Variants in OTOG observed in about 807,000 individuals in gnomAD.
The protein encoded by OTOG is otogelin.
OTOG carries 296 observed loss-of-function variants against 313.8 expected under a neutral mutation model. The ratio of observed to expected loss-of-function variants is 0.94; its 90% CI spans 0.86 to 1.04. OTOG has a LOEUF of 1.04. Ranked by LOEUF, OTOG falls within the 50% of genes least tolerant of loss-of-function variation. OTOG has a pLI of 0.00. For synonymous variants in OTOG, 1,533 were observed against 1,554.9 expected (o/e 0.99, Z 0.33); for missense variants, 3,948 against 3,840.1 (o/e 1.03, Z -0.74).
At position 17,593,221 on chromosome 11, in the gene OTOG, T is replaced by C; in HGVS notation, c.3035T>C (p.Ile1012Thr). The C allele has an allele frequency of 6.5e-7, 1 of 1,550,208 alleles. No homozygotes were observed. Among genetic ancestry groups the C allele is most frequent in the Non-Finnish European group, 8.7e-7 (1 of 1,146,604 alleles). The change falls in exon 26 of 56, where the codon ATT becomes ACT. Residue 1012 changes from isoleucine to threonine, a missense_variant. Ile to Thr is a moderately conservative substitution (Grantham distance 89, BLOSUM62 -1). Coordinates refer to ENST00000399397, the MANE Select transcript of OTOG (RefSeq NM_001292063.2). ...KSTSDVSFSV[I>T]VENVNCYSSG... ...ACATCAGATGTCAGCTTCTCTGTGA[T>C]TGTAGAGAATGTGAACTGCTACAGC... is the stretch of plus-strand genomic sequence containing the variant.
At chr11:17,593,554 T>C in intron 26 of OTOG, 56 bp from the exon 27 acceptor site, 1 of 1,538,736 alleles carries the variant, frequency 6.5e-7, no homozygotes, top group Non-Finnish European at 8.8e-7. Context: ...CAGGCATAGC[T>C]GACCTGGGCG....
intron 15 of OTOG, among the ~76,000 whole-genome samples, 192 bp from the exon 16 acceptor site, chr11:17,568,964 C>T (rs1852348801): frequency 1.3e-5 from 2 of 152,294 alleles, no homozygotes; most frequent in South Asian, 4.1e-4. Flanking sequence ...CTTCTCCAAC[C>T]TGAGCCTCTG....
intron 19 of OTOG, among the ~76,000 whole-genome samples, chr11:17,574,216 T>A (rs1331574149): frequency 6.6e-6 from 1 of 152,108 alleles, no homozygotes; most frequent in East Asian, 1.9e-4. Flanking sequence ...GAGGGCAGTC[T>A]TGAGTCTTGG....
intron 7 of OTOG, among the ~76,000 whole-genome samples, 188 bp from the exon 8 acceptor site, chr11:17,556,930 A>G (rs920912444): frequency 2.0e-5 from 3 of 152,236 alleles, no homozygotes; most frequent in African/African-American, 7.2e-5. Flanking sequence ...CCGTCTTAAA[A>G]AATTTCTAAA....
intron 20 of OTOG, among the ~76,000 whole-genome samples, chr11:17,575,925 G>T (rs1016861897): frequency 1.3e-5 from 2 of 152,216 alleles, no homozygotes; most frequent in Non-Finnish European, 2.9e-5. Flanking sequence ...AGACCTGCAC[G>T]TGCCTATAAT....
At chr11:17,568,235 G>A (rs1409377172) in intron 15 of OTOG, among the ~76,000 whole-genome samples, 1 of 152,190 alleles carries the variant, frequency 6.6e-6, no homozygotes, top group Non-Finnish European at 1.5e-5. Flanking sequence ...AGATTGCTAT[G>A]AGAGTTAGGC....
At chr11:17,574,176 G>A (rs768136467) in intron 19 of OTOG, among the ~76,000 whole-genome samples, 1 of 152,154 alleles carries the variant, frequency 6.6e-6, no homozygotes, top group Non-Finnish European at 1.5e-5. Flanking sequence ...AGGAGACTCT[G>A]GGGGGAGTGG....
At chr11:17,634,034 C>T in intron 43 of OTOG, 35 bp from the exon 44 acceptor site, 1 of 1,528,796 alleles carries the variant, frequency 6.5e-7, no homozygotes, top group Non-Finnish European at 8.8e-7. Context: ...GCTCACCTTC[C>T]TCAGTCCCTC....
Position 17,560,824 on chromosome 11 carries a change from G to A in OTOG, c.1451+7G>A. Reference sequence around the variant, plus strand: ...AGGAAGACTGCAATACTTGGTCTGTGTCTGCTGCCGGGAAGCAGGGTGTGG... The same window carrying A: ...AGGAAGACTGCAATACTTGGTCTGTATCTGCTGCCGGGAAGCAGGGTGTGG... On this transcript the variant is annotated splice_region_variant and intron_variant, in intron 13 of 55. Transcript: ENST00000399397. 1 of 1,547,566 alleles carries A rather than the reference G, an allele frequency of 6.5e-7. No individual in the cohort carries two copies. Among genetic ancestry groups the A allele is most frequent in the South Asian group, 1.2e-5 (1 of 83,974 alleles).
At position 17,572,069 on chromosome 11, in the gene OTOG, C is replaced by A. The variant is rs1469208747; in HGVS notation, c.1956-11C>A. ...GGCAAGTGTGTGAATATGGCTGTGA[C>A]ATGGCTGCAGGTCTCCAGTGGGTGT... On this transcript the variant is annotated splice_polypyrimidine_tract_variant and intron_variant, in intron 17 of 55. Transcript: ENST00000399397. 1 of 1,550,348 alleles carries A rather than the reference C, an allele frequency of 6.5e-7. No individual in the cohort carries two copies. The highest frequency in any genetic ancestry group is 2.4e-5 in the East Asian group (1 of 40,904).
chr11:17,557,409 C>T, intron 8 of OTOG, 86 bp downstream of exon 8: 1 of 1,329,696 alleles, frequency 7.5e-7, no homozygotes, highest in Non-Finnish European at 1.0e-6. Flanking sequence ...GGACTTGGAA[C>T]AGAGCCCTGG....
chr11:17,604,347 A>G (rs527426912), intron 32 of OTOG, among the ~76,000 whole-genome samples: 10 of 152,230 alleles, frequency 6.6e-5, no homozygotes, highest in Non-Finnish European at 1.5e-4. Flanking sequence ...GCCAAGGCCC[A>G]GGGAGGAGAA....
In OTOG at chr11:17,559,092, G is replaced by C. The variant is rs1208158757; in HGVS notation, c.1144G>C (p.Glu382Gln). 18 of 1,546,694 alleles carry C rather than the reference G, an allele frequency of 1.2e-5. No individual in the cohort carries two copies. Among genetic ancestry groups the C allele is most frequent in the Non-Finnish European group, 1.4e-5 (16 of 1,146,976 alleles). ...DVATWCRALA[E>Q]YARACAQAGR... ...AGCCACCTGGTGCCGGGCACTGGCGGAGTATGCCCGGGCGTGTGCCCAGGC... is the reference window on the plus strand; with the variant it reads ...AGCCACCTGGTGCCGGGCACTGGCGCAGTATGCCCGGGCGTGTGCCCAGGC... The change falls in exon 11 of 56, where the codon GAG (glutamate) becomes CAG (glutamine). Residue 382 changes from glutamate (E) to glutamine (Q), a missense_variant. Physicochemically the swap from Glu to Gln is conservative, Grantham distance 29. Transcript: ENST00000399397.
At chr11:17,628,566 A>G (rs866211600) in intron 39 of OTOG, among the ~76,000 whole-genome samples, 1 of 152,180 alleles carries the variant, frequency 6.6e-6, no homozygotes, top group Admixed American at 6.5e-5. Context: ...GCCCCTATTT[A>G]TGTTAGGCTC....
intron 54 of OTOG, among the ~76,000 whole-genome samples, chr11:17,644,371 A>G (rs970307965): frequency 3.3e-4 from 50 of 152,272 alleles, no homozygotes; most frequent in Non-Finnish European, 5.4e-4. Context: ...CTGGTGCAGT[A>G]GGAAACCTCT....
At chr11:17,571,484 C>T (rs1177053671) in intron 17 of OTOG, among the ~76,000 whole-genome samples, 1 of 152,206 alleles carries the variant, frequency 6.6e-6, no homozygotes, top group Non-Finnish European at 1.5e-5. Context: ...GAAACATGCT[C>T]ATCCCCCTTC....
chr11:17,597,900 T>C (rs899135545), intron 30 of OTOG, among the ~76,000 whole-genome samples: 3 of 152,196 alleles, frequency 2.0e-5, no homozygotes, highest in African/African-American at 4.8e-5. Flanking sequence ...TCTTCGTCTG[T>C]AATAGAAGGG....
At chr11:17,625,748 G>A (rs1853968952) in intron 39 of OTOG, among the ~76,000 whole-genome samples, 2 of 152,002 alleles carry the variant, frequency 1.3e-5, no homozygotes, top group African/African-American at 4.8e-5. Flanking sequence ...CCATTCTATG[G>A]GTTGTCTCTT....
intron 27 of OTOG, 115 bp downstream of exon 27, chr11:17,593,871 T>C: frequency 7.0e-7 from 1 of 1,421,634 alleles, no homozygotes; most frequent in Non-Finnish European, 9.5e-7. Context: ...CTCTGTTCTC[T>C]CCTCCGCCCT....
Sources: allele counts gnomAD v4.1 joint callset (sites outside exome capture counted in the v4.1 genomes callset), GRCh38; gene constraint gnomAD v4.1.1; transcripts MANE v1.5; gene names NCBI Gene and HGNC (gene_info 2026-07-23, HGNC 2026-07-21).